The following PARD3B variants were observed in gnomAD, a reference collection of about 807,000 sequenced individuals.
PARD3B encodes partitioning defective 3 homolog B.
Under a neutral mutation model 130.2 loss-of-function variants are expected in PARD3B, and 103 were observed. The observed-to-expected ratio is 0.79, with a 90% confidence interval of 0.67 to 0.93. The LOEUF (loss-of-function observed/expected upper bound fraction) is 0.93. PARD3B is among the 40% of genes least tolerant of loss of function. PARD3B has a pLI of 0.00. For synonymous variants in PARD3B, 583 were observed against 553.2 expected (o/e 1.05, Z -0.76); for missense variants, 1,609 against 1,499.2 (o/e 1.07, Z -1.21).
At position 204,624,811 on chromosome 2, in the gene PARD3B, C is replaced by T. The variant is rs567115226; in HGVS notation, c.121-61370C>T. Among the ~76,000 whole-genome samples, 40 of 152,180 alleles carry T rather than the reference C, an allele frequency of 2.6e-4. 1 individual carries two copies. In the South Asian group the frequency reaches 6.6e-3, roughly 25 times the overall value. On this transcript the variant is annotated intron_variant, in intron 1 of 22. Transcript: ENST00000406610. ...TTTAGTTATTTGGTAAACTGTCAAA[C>T]GATTTTCCAGAGTAGCTGTACTGCT...
intron 15 of PARD3B, among the ~76,000 whole-genome samples, chr2:205,213,634 A>C (rs761283289): frequency 6.6e-6 from 1 of 152,190 alleles, no homozygotes; most frequent in Non-Finnish European, 1.5e-5. Context: ...AAGTGAATAA[A>C]AGTGCAAATT....
chr2:205,185,910 C>A lies in PARD3B; in HGVS notation c.2024+47C>A, dbSNP rs371755654. 5 of 1,483,794 alleles carry A rather than the reference C, an allele frequency of 3.4e-6. No individual in the cohort carries two copies. The South Asian group carries it at 5.7e-5, about 17-fold the overall frequency. 91.9% of individuals were successfully genotyped at this position (1,483,794 alleles called of 1,614,324 possible). On this transcript the variant is annotated intron_variant, in intron 14 of 22. Transcript: ENST00000406610. ...GTAAATGCTCCTTGTTATTGTTTTT[C>A]TGGGAGAACACAGCAACCTTATTCA... is the stretch of plus-strand genomic sequence containing the variant.
intron 3 of PARD3B, among the ~76,000 whole-genome samples, chr2:205,020,402 A>G (rs1575570315): frequency 6.6e-6 from 1 of 152,128 alleles, no homozygotes; most frequent in Admixed American, 6.6e-5. Flanking sequence ...ACAATTTGAT[A>G]TTGCACATAA....
At chr2:204,971,714 A>C (rs1691726628) in intron 3 of PARD3B, among the ~76,000 whole-genome samples, 2 of 151,846 alleles carry the variant, frequency 1.3e-5, no homozygotes, top group African/African-American at 4.8e-5. Flanking sequence ...TCATAGCCAT[A>C]TAGTCAACAA....
Position 205,558,442 on chromosome 2 carries a change from C to T in PARD3B, c.3260+5039C>T, listed in dbSNP as rs1326866199. Reference sequence around the variant, plus strand: ...ACCAGACTTATACCTGAGCAGGACTCGTGTGGCAGGTCTACCCCATTAAAT... The same window carrying T: ...ACCAGACTTATACCTGAGCAGGACTTGTGTGGCAGGTCTACCCCATTAAAT... On this transcript the variant is annotated intron_variant, in intron 22 of 22. Coordinates refer to ENST00000406610, the MANE Select transcript of PARD3B (RefSeq NM_001302769.2). The surrounding 1 kb of genome is among the most constrained non-coding windows in gnomAD (Gnocchi z 4.8). Among the ~76,000 whole-genome samples, 3 of 152,142 alleles carry T rather than the reference C, an allele frequency of 2.0e-5. No homozygotes were observed. Among genetic ancestry groups the T allele is most frequent in the African/African-American group, 4.8e-5 (2 of 41,414 alleles).
intron 20 of PARD3B, among the ~76,000 whole-genome samples, chr2:205,492,897 G>A (rs2049775566): frequency 1.3e-5 from 2 of 152,112 alleles, no homozygotes; most frequent in Non-Finnish European, 2.9e-5. Context: ...GAGTATGAGT[G>A]TAAGTGGTGT....
At chr2:204,776,608 C>T (rs181131888) in intron 2 of PARD3B, among the ~76,000 whole-genome samples, 4 of 151,656 alleles carry the variant, frequency 2.6e-5, no homozygotes, top group East Asian at 1.9e-4. Context: ...CTTTTTTCCC[C>T]GAGACATGGC....
intron 2 of PARD3B, among the ~76,000 whole-genome samples, chr2:204,705,866 T>C (rs1184803327): frequency 6.6e-6 from 1 of 152,138 alleles, no homozygotes; most frequent in Admixed American, 6.5e-5. Context: ...TGATGAATTG[T>C]TCCTTAATCT....
At chr2:205,583,858 T>C (rs1386427397) in intron 22 of PARD3B, among the ~76,000 whole-genome samples, 1 of 152,180 alleles carries the variant, frequency 6.6e-6, no homozygotes, top group Non-Finnish European at 1.5e-5. Flanking sequence ...TACTGGCCTA[T>C]CTTCTAACTC....
chr2:205,109,885 C>G (rs1454459244), intron 5 of PARD3B, among the ~76,000 whole-genome samples: 2 of 152,032 alleles, frequency 1.3e-5, no homozygotes, highest in African/African-American at 2.4e-5. Flanking sequence ...AACTTCTGAC[C>G]TCAAGTGATC....
chr2:205,171,893 A>G (rs1283693955), intron 11 of PARD3B, among the ~76,000 whole-genome samples: 2 of 152,200 alleles, frequency 1.3e-5, no homozygotes, highest in African/African-American at 2.4e-5. Context: ...TCTCCGCCAG[A>G]GCAAATGGCA....
At position 205,258,988 on chromosome 2, in the gene PARD3B, T is replaced by C. The variant is rs1417238685; in HGVS notation, c.2185+13166T>C. 6.6e-6 allele frequency among the ~76,000 whole-genome samples: 1 copy of C among 152,140 alleles called. No homozygotes were observed. Among genetic ancestry groups the C allele is most frequent in the Non-Finnish European group, 1.5e-5 (1 of 68,006 alleles). ...ACACTGCATTTTTGGCATGCATACCTAACAAAATCTAAAATTAGTCTGTAT... is the reference window on the plus strand; with the variant it reads ...ACACTGCATTTTTGGCATGCATACCCAACAAAATCTAAAATTAGTCTGTAT... On this transcript the variant is annotated intron_variant, in intron 16 of 22. Transcript: ENST00000406610. The surrounding 1 kb of genome is among the most constrained non-coding windows in gnomAD (Gnocchi z 4.9).
At chr2:205,518,618 C>T (rs578103401) in intron 21 of PARD3B, among the ~76,000 whole-genome samples, 4 of 152,170 alleles carry the variant, frequency 2.6e-5, no homozygotes, top group Middle Eastern at 3.4e-3. Context: ...TTGATCCTGT[C>T]ATCATGTTTT....
rs1230848988 is a variant in PARD3B at position 204,908,377 on chromosome 2, A to C, written c.223-56775A>C. 2.0e-5 allele frequency among the ~76,000 whole-genome samples: 3 copies of C among 152,238 alleles called. No homozygotes were observed. In the East Asian group the frequency reaches 5.8e-4, roughly 29 times the overall value. On this transcript the variant is annotated intron_variant, in intron 2 of 22. Transcript: ENST00000406610. ...CAAATTCATGCAAAAAGGAAGTGGA[A>C]GAAATTGAACCCAAATACCACATTT...
chr2:205,231,959 T>C (rs2038858228), intron 15 of PARD3B, among the ~76,000 whole-genome samples: 1 of 152,210 alleles, frequency 6.6e-6, no homozygotes, highest in South Asian at 2.1e-4. Context: ...CCAATGTTTG[T>C]TCCCACCCAC....
rs1021868318 is a variant in PARD3B at position 204,687,502 on chromosome 2, A to G, written c.222+1220A>G. On this transcript the variant is annotated intron_variant, in intron 2 of 22. Transcript: ENST00000406610. The stretch of plus-strand genomic sequence containing the variant: ...GTTTTTGTTAGTAGTATCTGGTATA[A>G]TATCTTACACAAACTTGATTCCCAA... 5.3e-5 allele frequency among the ~76,000 whole-genome samples: 8 copies of G among 152,280 alleles called. No individual in the cohort carries two copies. In the South Asian group the frequency reaches 1.2e-3, roughly 24 times the overall value.
intron 1 of PARD3B, among the ~76,000 whole-genome samples, chr2:204,611,659 G>A (rs1271636907): frequency 6.6e-6 from 1 of 152,054 alleles, no homozygotes; most frequent in African/African-American, 2.4e-5. Context: ...ACAACGAAAG[G>A]AAGAAAATGG....
At chr2:205,231,501 ATTTTTTT>A (rs1278709655) in intron 15 of PARD3B, among the ~76,000 whole-genome samples, 2 of 130,636 alleles carry the variant, frequency 1.5e-5, no homozygotes, top group African/African-American at 5.7e-5. Flanking sequence ...TAATTTTTGT[ATTTTTTT>A]TTTTTTTTTG....
intron 18 of PARD3B, among the ~76,000 whole-genome samples, chr2:205,312,563 G>C (rs1165022437): frequency 6.6e-6 from 1 of 152,120 alleles, no homozygotes; most frequent in Admixed American, 6.5e-5. Context: ...GTTCTCCATG[G>C]TTATCTACAA....
Sources: allele counts gnomAD v4.1 joint callset (sites outside exome capture counted in the v4.1 genomes callset), GRCh38; gene constraint gnomAD v4.1.1; non-coding constraint Gnocchi (gnomAD v3.1); transcripts MANE v1.5; gene names NCBI Gene and HGNC (gene_info 2026-07-23, HGNC 2026-07-21).